The following RPL4 variants were observed in gnomAD, a reference collection of about 807,000 sequenced individuals.
The protein encoded by RPL4 is large ribosomal subunit protein uL4.
In RPL4, 3 loss-of-function variants were observed where a neutral mutation model predicts 47.7. The observed-to-expected ratio is 0.06, with a 90% CI of 0.03 to 0.16. The LOEUF (loss-of-function observed/expected upper bound fraction) is 0.16, where lower values mean the gene tolerates loss of function less well. Ranked by LOEUF, RPL4 falls within the 10% of genes least tolerant of loss-of-function variation. The pLI is 1.00. For missense variants in RPL4, 413 were observed against 551.3 expected (o/e 0.75, Z 2.51); for synonymous variants, 208 against 182.1 (o/e 1.14, Z -1.15).
At chr15:66,499,984 T>C (rs192088113) in intron 9 of RPL4, 72 bp downstream of exon 9, 66 of 1,576,166 alleles carry the variant, frequency 4.2e-5, no homozygotes, top group Admixed American at 3.6e-4. Flanking sequence ...GATCACGCCA[T>C]TGCACTCCAG....
rs369433623 is a variant in RPL4 at position 66,499,789 on chromosome 15, C to T, written c.1039-137G>A. 199 of 1,229,710 alleles carry T rather than the reference C, an allele frequency of 1.6e-4. 2 individuals carry two copies. The South Asian group carries it at 2.7e-3, about 17-fold the overall frequency. 76.2% of individuals were successfully genotyped at this position (1,229,710 alleles called of 1,614,324 possible). A position where few individuals can be genotyped will look rare whatever the true frequency, so the allele number is the denominator to read the frequency against. ...CTGTAATCCCAGCACTTTGGGAGGC[C>T]GAGGCAGGTGAATCACCTGAGGTCA... is the stretch of plus-strand genomic sequence containing the variant. On this transcript the variant is annotated intron_variant, in intron 9 of 9. Coordinates refer to ENST00000307961, the MANE Select transcript of RPL4 (RefSeq NM_000968.4).
chr15:66,502,065 C>T lies in RPL4; in HGVS notation c.422-153G>A, dbSNP rs974155930. 9.1e-6 allele frequency: 9 copies of T among 987,584 alleles called. No individual in the cohort carries two copies. In the East Asian group the frequency reaches 1.2e-4, roughly 13 times the overall value. 61.2% of individuals were successfully genotyped at this position (987,584 alleles called of 1,614,324 possible). On this transcript the variant is annotated intron_variant, in intron 4 of 9. Coordinates refer to ENST00000307961, the MANE Select transcript of RPL4 (RefSeq NM_000968.4). ...TATCATGTGTTTCAGAAACACGGAC[C>T]AATTAAGTGGAATCTCATCATTTTG...
At chr15:66,503,584 C>A in intron 1 of RPL4, 55 bp from the exon 2 acceptor site, 1 of 1,512,434 alleles carries the variant, frequency 6.6e-7, no homozygotes. Flanking sequence ...GAAGCAAACT[C>A]TTCTCATACG....
At chr15:66,502,591 C>CT in intron 4 of RPL4, 21 bp downstream of exon 4, 1 of 1,607,812 alleles carries the variant, frequency 6.2e-7, no homozygotes. Flanking sequence ...ATCAAACTCT[C>CT]TTATATAAAG....
chr15:66,503,644 G>T, intron 1 of RPL4, 115 bp from the exon 2 acceptor site: 1 of 1,086,168 alleles, frequency 9.2e-7, no homozygotes, highest in Non-Finnish European at 1.3e-6. Context: ...GTATGGTGAG[G>T]CAAACAACCC....
intron 6 of RPL4, 123 bp downstream of exon 6, chr15:66,501,252 A>G: frequency 6.4e-7 from 1 of 1,565,918 alleles, no homozygotes; most frequent in East Asian, 2.2e-5. Flanking sequence ...TTCAGCCATA[A>G]ATCAGAACTT....
chr15:66,500,888 A>C, intron 7 of RPL4, 61 bp downstream of exon 7: 1 of 1,562,920 alleles, frequency 6.4e-7, no homozygotes, highest in Non-Finnish European at 8.7e-7. Context: ...CATGTAAGCC[A>C]ATTCTGAATG....
At position 66,504,848 on chromosome 15, in the gene RPL4, A is replaced by T; in HGVS notation, c.-58T>A. ...GCCCGGCTGCTGCCACAGGAAAAGG[A>T]AGTGCTTACCACTCCCGCTGTATAT... On this transcript the variant is annotated 5_prime_UTR_variant, in exon 1 of 10. Transcript: ENST00000307961. 1 of 1,603,074 alleles carries T rather than the reference A, an allele frequency of 6.2e-7. No individual in the cohort carries two copies. Among genetic ancestry groups the T allele is most frequent in the Non-Finnish European group, 8.5e-7 (1 of 1,175,052 alleles).
chr15:66,502,020 C>G (rs771633143), intron 4 of RPL4, 108 bp from the exon 5 acceptor site: 1 of 1,390,806 alleles, frequency 7.2e-7, no homozygotes, highest in Non-Finnish European at 1.0e-6. Flanking sequence ...TTCCGTTTGC[C>G]AAGTCAGAAT....
chr15:66,501,421 G>C lies in RPL4; in HGVS notation c.630C>G (p.Ile210Met), dbSNP rs1893612652. 6.2e-7 allele frequency: 1 copy of C among 1,614,004 alleles called. No homozygotes were observed. The highest frequency in any genetic ancestry group is 8.5e-7 in the Non-Finnish European group (1 of 1,180,030). ...TGATGATACCATTATCCTCATTATAGATGATGCACGGGCCCCTGCGCTGGA... is the reference window on the plus strand; with the variant it reads ...TGATGATACCATTATCCTCATTATACATGATGCACGGGCCCCTGCGCTGGA... ...RRIQRRGPCI[I>M]YNEDNGIIKA... Residue 210 changes from isoleucine to methionine, a missense_variant, in exon 6 of 10, where the codon ATC (isoleucine) becomes ATG (methionine). Physicochemically the swap from Ile to Met is conservative, Grantham distance 10 (BLOSUM62 1). Coordinates refer to ENST00000307961, the MANE Select transcript of RPL4 (RefSeq NM_000968.4).
chr15:66,504,190 C>T (rs557400344), intron 1 of RPL4, among the ~76,000 whole-genome samples: 7 of 152,246 alleles, frequency 4.6e-5, no homozygotes, highest in Admixed American at 4.6e-4. Flanking sequence ...TGTTTAAAGC[C>T]AAACCACTCC....
rs530193982 is a variant in RPL4, at chr15:66,500,710, A to G, written c.833+239T>C. The G allele has an allele frequency of 1.3e-4, 74 of 561,922 alleles. 1 individual carries two copies. The South Asian group carries it at 1.6e-3, about 12-fold the overall frequency. 34.8% of individuals were successfully genotyped at this position (561,922 alleles called of 1,614,324 possible). ...GACAGGAGAACTGCTTGAACCCGGG[A>G]GGCGGAGGCTGCAGTAAGCCACGAT... On this transcript the variant is annotated intron_variant, in intron 7 of 9. Transcript: ENST00000307961.
chr15:66,502,018 G>A, intron 4 of RPL4, 106 bp from the exon 5 acceptor site: 1 of 1,406,928 alleles, frequency 7.1e-7, no homozygotes. Flanking sequence ...TATTCCGTTT[G>A]CCAAGTCAGA....
intron 1 of RPL4, 91 bp from the exon 2 acceptor site, chr15:66,503,620 T>G (rs1893675269): frequency 7.4e-7 from 1 of 1,352,770 alleles, no homozygotes; most frequent in Admixed American, 2.7e-5. Context: ...AATACTCAAT[T>G]GCAGAAGAGA....
chr15:66,504,762 G>A (rs756833810), intron 1 of RPL4, 26 bp downstream of exon 1: 10 of 1,611,554 alleles, frequency 6.2e-6, no homozygotes, highest in Non-Finnish European at 7.6e-6. Context: ...TACGGGGTAA[G>A]GCCAGCCAAG....
chr15:66,503,982 G>T (rs1365007586), intron 1 of RPL4, among the ~76,000 whole-genome samples: 2 of 151,864 alleles, frequency 1.3e-5, no homozygotes, highest in Admixed American at 1.3e-4. Flanking sequence ...CTTCCCAACT[G>T]TGAGTAAACT....
chr15:66,502,125 G>C (rs1204775563), intron 4 of RPL4: 2 of 714,224 alleles, frequency 2.8e-6, no homozygotes, highest in East Asian at 2.8e-5. Context: ...TACGCAACAG[G>C]CAAGTTTAAG....
chr15:66,504,317 C>T (rs1455177816), intron 1 of RPL4, among the ~76,000 whole-genome samples: 1 of 152,184 alleles, frequency 6.6e-6, no homozygotes, highest in Non-Finnish European at 1.5e-5. Context: ...CCCCGGCACA[C>T]AACACTACAT....
chr15:66,501,923 C>G lies in RPL4; in HGVS notation c.422-11G>C, dbSNP rs113091938. ...CCTCAATACGATGACCTAACAAAAA[C>G]CAATGACACTTACTTGGTTATCCTG... On this transcript the variant is annotated splice_polypyrimidine_tract_variant and intron_variant, in intron 4 of 9. Coordinates refer to ENST00000307961, the MANE Select transcript of RPL4 (RefSeq NM_000968.4). 4 of 1,603,984 alleles carry G rather than the reference C, an allele frequency of 2.5e-6. No individual in the cohort carries two copies. In the African/African-American group the frequency reaches 5.4e-5, roughly 22 times the overall value.
Sources: allele counts gnomAD v4.1 joint callset (sites outside exome capture counted in the v4.1 genomes callset), GRCh38; gene constraint gnomAD v4.1.1; transcripts MANE v1.5; gene names NCBI Gene and HGNC (gene_info 2026-07-23, HGNC 2026-07-21).